The following RGS6 variants were observed in gnomAD, a reference collection of about 807,000 sequenced individuals.
RGS6 encodes regulator of G protein signaling 6.
RGS6 carries 30 observed loss-of-function variants against 78.5 expected under a neutral mutation model. The ratio of observed to expected loss-of-function variants is 0.38; its 90% CI spans 0.29 to 0.52. RGS6 has a LOEUF of 0.52. RGS6 is among the 20% of genes least tolerant of loss of function. The pLI, the probability that RGS6 is intolerant of heterozygous loss-of-function variation, is 0.85. For synonymous variants in RGS6, 206 were observed against 206.0 expected, an observed-to-expected ratio of 1.00 and a Z score of 0.00; for missense variants, 495 against 609.7, an observed-to-expected ratio of 0.81 and a Z score of 1.98.
At chr14:72,392,492 C>G (rs370386049) in intron 3 of RGS6, among the ~76,000 whole-genome samples, 1 of 152,074 alleles carries the variant, frequency 6.6e-6, no homozygotes, top group Non-Finnish European at 1.5e-5. Context: ...GACATACACA[C>G]GCACCTGGCC....
At chr14:72,237,202 A>G (rs1329409696) in intron 2 of RGS6, among the ~76,000 whole-genome samples, 1 of 152,214 alleles carries the variant, frequency 6.6e-6, no homozygotes, top group African/African-American at 2.4e-5. Flanking sequence ...TTAGTGCTGA[A>G]TCATATTCCA....
chr14:72,383,581 G>C (rs538254545), intron 3 of RGS6, among the ~76,000 whole-genome samples: 1 of 152,254 alleles, frequency 6.6e-6, no homozygotes, highest in African/African-American at 2.4e-5. Flanking sequence ...TAAACAGACA[G>C]TATTTCTGCA....
chr14:72,035,729 T>A (rs963219859), intron 2 of RGS6, among the ~76,000 whole-genome samples: 1 of 152,128 alleles, frequency 6.6e-6, no homozygotes, highest in Non-Finnish European at 1.5e-5. Flanking sequence ...CACAGTAGCA[T>A]TTGTGCCCTG....
chr14:72,570,581 G>A (rs58435870), downstream of RGS6, among the ~76,000 whole-genome samples: 17,648 of 152,144 alleles, frequency 0.12, 1,120 homozygotes, highest in Middle Eastern at 0.2. Context: ...CAGGTTGACC[G>A]GCTCCTACCA....
chr14:72,028,223 A>G (rs2090246389), intron 2 of RGS6, among the ~76,000 whole-genome samples: 1 of 152,216 alleles, frequency 6.6e-6, no homozygotes, highest in Non-Finnish European at 1.5e-5. Context: ...GCACATCTCC[A>G]GACTGCCTTG....
intron 2 of RGS6, among the ~76,000 whole-genome samples, chr14:72,341,960 G>A (rs1032493804): frequency 6.6e-6 from 1 of 152,138 alleles, no homozygotes. Flanking sequence ...CCAGGACACT[G>A]GATGGACTTG....
At chr14:72,571,448 C>T (rs1429798686), downstream of RGS6, among the ~76,000 whole-genome samples, 1 of 152,128 alleles carries the variant, frequency 6.6e-6, no homozygotes, top group Non-Finnish European at 1.5e-5. Flanking sequence ...GTAATCAAGA[C>T]AGGACAGTAC....
rs966343920 is a variant in RGS6, at chr14:72,080,536, A to G, written c.84+115661A>G. ...TTTTTAGTTTGATGTAATCCCACTT[A>G]TCTATTTTTTGCTTTTGTTGCCTGT... On this transcript the variant is annotated intron_variant, in intron 2 of 17. Coordinates refer to ENST00000553525, the MANE Select transcript of RGS6 (RefSeq NM_001204424.2). Among the ~76,000 whole-genome samples the G allele has an allele frequency of 2.0e-5, 3 of 151,998 alleles. No individual in the cohort carries two copies. The South Asian group carries it at 6.2e-4, about 32-fold the overall frequency.
At chr14:72,076,837 A>G (rs2094590489) in intron 2 of RGS6, among the ~76,000 whole-genome samples, 1 of 152,154 alleles carries the variant, frequency 6.6e-6, no homozygotes, top group African/African-American at 2.4e-5. Flanking sequence ...TGGCCTATGT[A>G]TACATAATTA....
At chr14:72,540,358 CT>C in intron 17 of RGS6, 3 of 1,453,012 alleles carry the variant, frequency 2.1e-6, no homozygotes, top group Non-Finnish European at 2.7e-6. Context: ...ATTTGATCAT[CT>C]GTTCAGGGCT....
chr14:72,429,157 A>T (rs956004676), intron 3 of RGS6, among the ~76,000 whole-genome samples: 1 of 152,216 alleles, frequency 6.6e-6, no homozygotes, highest in Non-Finnish European at 1.5e-5. Context: ...AGCCAAGATC[A>T]TGCCACTGCA....
chr14:71,959,889 G>A (rs2093064334), intron 1 of RGS6, among the ~76,000 whole-genome samples: 1 of 152,150 alleles, frequency 6.6e-6, no homozygotes, highest in Non-Finnish European at 1.5e-5. Context: ...TCCAGGCAAG[G>A]AGCTGGAAAC....
At chr14:72,508,706 A>T (rs1328380182) in intron 13 of RGS6, among the ~76,000 whole-genome samples, 1 of 151,532 alleles carries the variant, frequency 6.6e-6, no homozygotes, top group Non-Finnish European at 1.5e-5. Flanking sequence ...TCTATTTTTT[A>T]AAAGAGGAAA....
At chr14:72,276,703 T>C (rs2060723117) in intron 2 of RGS6, among the ~76,000 whole-genome samples, 1 of 152,190 alleles carries the variant, frequency 6.6e-6, no homozygotes, top group South Asian at 2.1e-4. Flanking sequence ...TCATTTTCCT[T>C]CTTGCCTATT....
At chr14:72,202,249 G>T (rs569091049) in intron 2 of RGS6, among the ~76,000 whole-genome samples, 23 of 152,064 alleles carry the variant, frequency 1.5e-4, no homozygotes, top group Non-Finnish European at 2.6e-4. Flanking sequence ...TCTCCAAATC[G>T]CTGAGACCAT....
Position 72,459,681 on chromosome 14 carries a change from A to G in RGS6, c.392A>G (p.Tyr131Cys). 6.2e-7 allele frequency: 1 copy of G among 1,614,046 alleles called. No individual in the cohort carries two copies. The highest frequency in any genetic ancestry group is 8.5e-7 in the Non-Finnish European group (1 of 1,179,976). The change falls in exon 6 of 18, where the codon TAT (tyrosine) becomes TGT (cysteine). Residue 131 changes from tyrosine (Y) to cysteine (C), a missense_variant and splice_region_variant. By Grantham distance (194) the Tyr-to-Cys change is radical. Transcript: ENST00000553525. ...TGCTGGGAACCTGAAAACACTGACT[A>G]TGGTGAGAACTGAAGCCACTGGGAA... is the stretch of plus-strand genomic sequence containing the variant. ...SNCWEPENTD[Y>C]AIYLCKRTMQ... is the part of the protein sequence containing the mutation.
chr14:72,272,887 G>A (rs950160753), intron 2 of RGS6, among the ~76,000 whole-genome samples: 1 of 152,212 alleles, frequency 6.6e-6, no homozygotes, highest in African/African-American at 2.4e-5. Context: ...GGCCAAGGCG[G>A]GTGGATCACC....
chr14:72,287,617 T>G (rs2062817501), intron 2 of RGS6, among the ~76,000 whole-genome samples: 1 of 152,034 alleles, frequency 6.6e-6, no homozygotes, highest in Non-Finnish European at 1.5e-5. Flanking sequence ...CCACCATGCC[T>G]GGCTAATTTT....
At chr14:72,332,571 C>T (rs1280188609) in intron 2 of RGS6, among the ~76,000 whole-genome samples, 1 of 152,176 alleles carries the variant, frequency 6.6e-6, no homozygotes, top group Non-Finnish European at 1.5e-5. Flanking sequence ...AACCCATCTG[C>T]CTCATGCCAG....
Sources: allele counts gnomAD v4.1 joint callset (sites outside exome capture counted in the v4.1 genomes callset), GRCh38; gene constraint gnomAD v4.1.1; transcripts MANE v1.5; gene names NCBI Gene and HGNC (gene_info 2026-07-23, HGNC 2026-07-21).